Variants in ERCC2 observed in about 807,000 individuals in gnomAD.
ERCC2 encodes general transcription and DNA repair factor IIH helicase subunit XPD.
A neutral mutation model predicts 99.4 loss-of-function variants in ERCC2; 90 were observed. That is an observed-to-expected ratio of 0.91 (90% CI 0.76 to 1.08). The LOEUF (loss-of-function observed/expected upper bound fraction) is 1.08, where lower values mean the gene tolerates loss of function less well. Among genes scored for constraint, ERCC2 ranks in the 50% least tolerant of loss-of-function variants. The pLI is 0.00. For synonymous variants in ERCC2, 497 were observed against 432.4 expected (o/e 1.15, Z -1.85); for missense variants, 993 against 1,038.1 (o/e 0.96, Z 0.60).
At chr19:45,368,764 AG>A in intron 4 of ERCC2, 21 bp from the exon 5 acceptor site, 1 of 1,595,234 alleles carries the variant, frequency 6.3e-7, no homozygotes, top group Non-Finnish European at 8.6e-7. Flanking sequence ...GTTGGGGGGC[AG>A]GGGGAGCTTG....
At position 45,352,291 on chromosome 19, in the gene ERCC2, T is replaced by G; in HGVS notation, c.2108A>C (p.Asp703Ala). 2 of 1,614,100 alleles carry G rather than the reference T, an allele frequency of 1.2e-6. No individual in the cohort carries two copies. The highest frequency in any genetic ancestry group is 1.7e-6 in the Non-Finnish European group (2 of 1,180,024). The change falls in exon 22 of 23, where the codon GAT becomes GCT. Residue 703 changes from aspartate to alanine, a missense_variant. Coordinates refer to ENST00000391945, the MANE Select transcript of ERCC2 (RefSeq NM_000400.4). Reference sequence around the variant, plus strand: ...GTCCACGGTCAGGTTGAGGTTGGCATCTGTGAGGTGCTCCTGGATCCAGCG... The same window carrying G: ...GTCCACGGTCAGGTTGAGGTTGGCAGCTGTGAGGTGCTCCTGGATCCAGCG... The part of the protein sequence containing the change: ...LPRWIQEHLT[D>A]ANLNLTVDEG...
Position 45,350,664 on chromosome 19 carries a change from C to T in ERCC2, c.*965G>A, listed in dbSNP as rs763385091. The T allele has an allele frequency of 5.0e-6, 8 of 1,613,506 alleles. No homozygotes were observed. Among genetic ancestry groups the T allele is most frequent in the Middle Eastern group, 1.6e-4 (1 of 6,074 alleles). Reference sequence around the variant, plus strand: ...AGGCCCTTCGCCGCAGCAGCTCACTCTCCAAGATCCGTGAGTCTATCAGGC... The same window carrying T: ...AGGCCCTTCGCCGCAGCAGCTCACTTTCCAAGATCCGTGAGTCTATCAGGC... On this transcript the variant is annotated 3_prime_UTR_variant, in exon 23 of 23. Coordinates refer to ENST00000391945, the MANE Select transcript of ERCC2 (RefSeq NM_000400.4).
chr19:45,370,486 C>T (rs2123321041), intron 1 of ERCC2, 50 bp downstream of exon 1: 2 of 1,460,306 alleles, frequency 1.4e-6, no homozygotes, highest in Admixed American at 2.0e-5. Flanking sequence ...ACCCCATCTT[C>T]AAGACCCCCC....
In ERCC2 at chr19:45,370,434, C is replaced by T; in HGVS notation, c.5+102G>A. The T allele has an allele frequency of 2.7e-6, 4 of 1,502,836 alleles. No homozygotes were observed. The South Asian group carries it at 3.7e-5, about 14-fold the overall frequency. 93.1% of individuals were successfully genotyped at this position (1,502,836 alleles called of 1,614,324 possible). On this transcript the variant is annotated intron_variant, in intron 1 of 22. Transcript: ENST00000391945. ...GGCTGCCCCCGTCCCACCCCTTCAC[C>T]CTCCCCTCGCCCCCTTGGGGACCCA...
rs768001504 is a variant in ERCC2, at chr19:45,353,164, G to A, written c.1759-9C>T. On this transcript the variant is annotated splice_polypyrimidine_tract_variant and intron_variant, in intron 18 of 22. Transcript: ENST00000391945. ...CGGCCATTCTCGCAGGCCTGAGGTG[G>A]GGAGACCGAGACGCAAGTTAGGTCA... 6 of 1,613,886 alleles carry A rather than the reference G, an allele frequency of 3.7e-6. No homozygotes were observed. The highest frequency in any genetic ancestry group is 4.2e-6 in the Non-Finnish European group (5 of 1,179,956).
chr19:45,367,592 A>G (rs959309724), intron 5 of ERCC2, among the ~76,000 whole-genome samples: 1 of 148,848 alleles, frequency 6.7e-6, no homozygotes, highest in African/African-American at 2.5e-5. Context: ...ATCTCGGCTC[A>G]CTGCAACCTC....
intron 12 of ERCC2, 24 bp from the exon 13 acceptor site, chr19:45,357,723 G>A (rs1972061814): frequency 6.2e-7 from 1 of 1,608,628 alleles, no homozygotes; most frequent in Non-Finnish European, 8.5e-7. Context: ...GCAAGGAGGG[G>A]TGAGATTACC....
Position 45,364,922 on chromosome 19 carries a change from G to T in ERCC2, c.510C>A (p.Leu170=). ...CATCCAGGTTGTAGATGCCAGCGGG[G>T]AGGGGCACCTCACGCCCATGGGCAT... ...EFDAHGREVP[L]PAGIYNLDDL... The change falls in exon 7 of 23, where the codon CTC becomes CTA. Residue 170 remains leucine, a synonymous_variant. Transcript: ENST00000391945. The T allele has an allele frequency of 1.2e-6, 2 of 1,614,134 alleles. No individual in the cohort carries two copies. Among genetic ancestry groups the T allele is most frequent in the Non-Finnish European group, 1.7e-6 (2 of 1,180,030 alleles).
chr19:45,361,710 C>T (rs56237112), intron 11 of ERCC2, 68 bp from the exon 12 acceptor site: 8 of 1,153,428 alleles, frequency 6.9e-6, no homozygotes, highest in Admixed American at 1.7e-5. Flanking sequence ...GCCCTGCCTC[C>T]GCCATCACGA....
chr19:45,370,501 C>T, intron 1 of ERCC2, 35 bp downstream of exon 1: 1 of 1,576,124 alleles, frequency 6.3e-7, no homozygotes. Flanking sequence ...CCCCCCGCGC[C>T]CGCTAGCGAG....
intron 19 of ERCC2, 97 bp from the exon 20 acceptor site, chr19:45,352,913 G>A: frequency 1.5e-6 from 2 of 1,303,160 alleles, no homozygotes; most frequent in Non-Finnish European, 2.2e-6. Context: ...CTGAGTTGGG[G>A]GGAGAGGGTG....
At position 45,370,445 on chromosome 19, in the gene ERCC2, C is replaced by A. The variant is rs1374257110; in HGVS notation, c.5+91G>T. ...TCCCACCCCTTCACCCTCCCCTCGCCCCCTTGGGGACCCAGGCGCGCCCAC... is the reference window on the plus strand; with the variant it reads ...TCCCACCCCTTCACCCTCCCCTCGCACCCTTGGGGACCCAGGCGCGCCCAC... On this transcript the variant is annotated intron_variant, in intron 1 of 22. Coordinates refer to ENST00000391945, the MANE Select transcript of ERCC2 (RefSeq NM_000400.4). 21 of 1,514,590 alleles carry A rather than the reference C, an allele frequency of 1.4e-5. No homozygotes were observed. In the African/African-American group the frequency reaches 2.8e-4, roughly 20 times the overall value. 93.8% of individuals were successfully genotyped at this position (1,514,590 alleles called of 1,614,324 possible). A position where few individuals can be genotyped will look rare whatever the true frequency, so the allele number is the denominator to read the frequency against.
Position 45,355,678 on chromosome 19 carries a change from G to A in ERCC2, c.1530C>T (p.Thr510=). 1 of 1,614,088 alleles carries A rather than the reference G, an allele frequency of 6.2e-7. No homozygotes were observed. The highest frequency in any genetic ancestry group is 8.5e-7 in the Non-Finnish European group (1 of 1,179,964). ...CTGGCAGCATACCAATATCCTCCCG[G>A]GTCTCAAATTTGGAGCTGATGGCCA... The part of the protein sequence containing the change: ...DQVAISSKFE[T]REDIAVIRNY... The change falls in exon 16 of 23, where the codon ACC becomes ACT. Residue 510 remains threonine (T), a synonymous_variant. Coordinates refer to ENST00000391945, the MANE Select transcript of ERCC2 (RefSeq NM_000400.4).
intron 13 of ERCC2, 29 bp downstream of exon 13, chr19:45,357,601 A>G: frequency 6.2e-7 from 1 of 1,613,960 alleles, no homozygotes; most frequent in East Asian, 2.2e-5. Context: ...CCCACAGAGC[A>G]TTCACACCCT....
intron 15 of ERCC2, 104 bp from the exon 16 acceptor site, chr19:45,355,832 TTAA>T (rs1568534925): frequency 1.2e-6 from 1 of 832,402 alleles, no homozygotes; most frequent in Non-Finnish European, 1.9e-6. Flanking sequence ...TTTTTTTTTT[TTAA>T]AGAGAGACAG....
In ERCC2 at chr19:45,363,764, C is replaced by T. The variant is rs1383264889; in HGVS notation, c.1097G>A (p.Cys366Tyr). The T allele has an allele frequency of 1.3e-6, 2 of 1,536,244 alleles. No homozygotes were observed. Among genetic ancestry groups the T allele is most frequent in the Admixed American group, 3.9e-5 (2 of 51,210 alleles). The change falls in exon 11 of 23, where the codon TGC becomes TAC. Residue 366 changes from cysteine (C) to tyrosine (Y), a missense_variant. Physicochemically the swap from Cys to Tyr is radical, Grantham distance 194. Around this residue, in one of 3 missense-constraint regions of ERCC2, gnomAD observed 909 missense variants for 930.8 expected, o/e 0.98. Transcript: ENST00000391945. ...AFLSGLAQRVCIQRKPLRFCA... is the reference protein window; with the variant it reads ...AFLSGLAQRVYIQRKPLRFCA... The stretch of plus-strand genomic sequence containing the variant: ...GCACCTGAGGGGCTTGCGCTGGATG[C>T]ACACGCGCTGGGCCAGGCCGCTCAG...
In ERCC2 at chr19:45,351,618, A is replaced by G. The variant is rs1358817914; in HGVS notation, c.*11T>C. The G allele has an allele frequency of 3.7e-6, 6 of 1,613,244 alleles. No individual in the cohort carries two copies. The highest frequency in any genetic ancestry group is 5.1e-6 in the Non-Finnish European group (6 of 1,179,776). ...GTCACCAGGAACCGTTTATGGCCCC[A>G]CCCGCCCCACTCAGAGCTGCTGAGC... On this transcript the variant is annotated 3_prime_UTR_variant, in exon 23 of 23. Coordinates refer to ENST00000391945, the MANE Select transcript of ERCC2 (RefSeq NM_000400.4).
In ERCC2 at chr19:45,350,999, A is replaced by AT. The variant is rs1971735095; in HGVS notation, c.*629_*630insA. 1.2e-6 allele frequency: 2 copies of AT among 1,614,002 alleles called. No individual in the cohort carries two copies. Among genetic ancestry groups the AT allele is most frequent in the Non-Finnish European group, 1.7e-6 (2 of 1,180,032 alleles). Reference sequence around the variant, plus strand: ...TCAACACACTGAACGTGGATGCTCCAAGGGCTCCTGGGACTCAGGTGAGGG... The same window carrying AT: ...TCAACACACTGAACGTGGATGCTCCATAGGGCTCCTGGGACTCAGGTGAGGG... On this transcript the variant is annotated 3_prime_UTR_variant, in exon 23 of 23. Transcript: ENST00000391945.
rs1365506024 is a variant in ERCC2 at position 45,357,789 on chromosome 19, C to T, written c.1238-90G>A. 72 of 1,170,344 alleles carry T rather than the reference C, an allele frequency of 6.2e-5. 1 individual carries two copies. In the South Asian group the frequency reaches 8.3e-4, roughly 14 times the overall value. 72.5% of individuals were successfully genotyped at this position (1,170,344 alleles called of 1,614,324 possible). The stretch of plus-strand genomic sequence containing the variant: ...CATTCCCTCTCCTGCTCCCTCGCTT[C>T]ACCCCAATCTCCACCCCGTACTGCC... On this transcript the variant is annotated intron_variant, in intron 12 of 22. Transcript: ENST00000391945.
Sources: gnomAD v4.1 joint callset for allele counts (sites outside exome capture counted in the v4.1 genomes callset) on GRCh38, gnomAD v4.1.1 for gene constraint, gnomAD v4.1.1 regional missense constraint, MANE v1.5 for transcripts, NCBI Gene and HGNC (gene_info 2026-07-23, HGNC 2026-07-21) for gene names.